Variants in DDI2 observed in about 807,000 individuals in gnomAD.
DDI2 encodes protein DDI1 homolog 2.
In DDI2, 5 loss-of-function variants were observed where a neutral mutation model predicts 48.1. The ratio of observed to expected loss-of-function variants is 0.10; its 90% CI spans 0.05 to 0.22. The LOEUF (loss-of-function observed/expected upper bound fraction) is 0.22, where lower values mean the gene tolerates loss of function less well. Ranked by LOEUF, DDI2 falls within the 10% of genes least tolerant of loss-of-function variation. The pLI is 1.00. For missense variants in DDI2, 285 were observed against 506.2 expected, an observed-to-expected ratio of 0.56 and a Z score of 4.19; for synonymous variants, 205 against 183.6, an observed-to-expected ratio of 1.12 and a Z score of -0.94.
chr1:15,639,764 T>G (rs1639978984), intron 5 of DDI2, among the ~76,000 whole-genome samples: 1 of 152,202 alleles, frequency 6.6e-6, no homozygotes, highest in African/African-American at 2.4e-5. Context: ...TCCAGCATTT[T>G]GGGAGGGTGA....
intron 1 of DDI2, among the ~76,000 whole-genome samples, chr1:15,621,770 T>C (rs1639671329): frequency 6.6e-6 from 1 of 152,196 alleles, no homozygotes. Context: ...TTGAGCATAA[T>C]ATTGGGGAAA....
At position 15,652,446 on chromosome 1, in the gene DDI2, CGG is replaced by C. The variant is rs1389836270; in HGVS notation, c.1183+552_1183+553del. Among the ~76,000 whole-genome samples the C allele has an allele frequency of 4.4e-4, 7 of 15,882 alleles. 1 individual carries two copies. Among genetic ancestry groups the C allele is most frequent in the African/African-American group, 7.7e-4 (4 of 5,166 alleles). The allele number at this position is 15,882 out of a possible 152,430, so 10.4% of individuals were successfully genotyped here. A position where few individuals can be genotyped will look rare whatever the true frequency, so the allele number is the denominator to read the frequency against. ...TTAATCCCAGCACTTTGGGAGGCTCCGGAGGGGGGGGGGGGGGGGCGGATCAC... is the reference window on the plus strand; with the variant it reads ...TTAATCCCAGCACTTTGGGAGGCTCCAGGGGGGGGGGGGGGGGCGGATCAC... On this transcript the variant is annotated intron_variant, in intron 8 of 9. Transcript: ENST00000480945.
intron 8 of DDI2, 86 bp from the exon 9 acceptor site, chr1:15,656,531 G>A (rs939037980): frequency 6.2e-7 from 1 of 1,610,114 alleles, no homozygotes; most frequent in South Asian, 1.1e-5. Flanking sequence ...TTTAAAGATG[G>A]CAAAAGAACG....
At chr1:15,634,010 A>C (rs1639887813) in intron 4 of DDI2, 1 of 299,874 alleles carries the variant, frequency 3.3e-6, no homozygotes, top group Admixed American at 4.5e-5. Context: ...CGCCGATGGA[A>C]CGTTGGTAGT....
intron 8 of DDI2, among the ~76,000 whole-genome samples, chr1:15,655,453 C>T (rs10927820): frequency 7.5e-6 from 1 of 133,518 alleles, no homozygotes. Context: ...ACACTTGTTT[C>T]TAAAAAAAAA....
At chr1:15,638,242 C>G (rs1181539688) in intron 4 of DDI2, 65 bp from the exon 5 acceptor site, 1 of 1,603,694 alleles carries the variant, frequency 6.2e-7, no homozygotes, top group Non-Finnish European at 8.5e-7. Context: ...AATATTGTGA[C>G]TTTGAAACTG....
intron 8 of DDI2, among the ~76,000 whole-genome samples, chr1:15,652,446 C>CGAG (rs1436812543): frequency 6.3e-5 from 1 of 15,920 alleles, no homozygotes; most frequent in African/African-American, 1.9e-4. Flanking sequence ...TGGGAGGCTC[C>CGAG]GGAGGGGGGG....
chr1:15,638,816 C>T (rs1639964743), intron 5 of DDI2, among the ~76,000 whole-genome samples: 1 of 152,118 alleles, frequency 6.6e-6, no homozygotes, highest in Non-Finnish European at 1.5e-5. Flanking sequence ...CTTTAGGCTG[C>T]TAACTCACTA....
chr1:15,653,149 ATGTTTT>A (rs1640218600), intron 8 of DDI2, among the ~76,000 whole-genome samples: 1 of 152,060 alleles, frequency 6.6e-6, no homozygotes, highest in African/African-American at 2.4e-5. Flanking sequence ...TTTTTTTTGG[ATGTTTT>A]TGTTTTTGTG....
chr1:15,632,304 C>T (rs942517210), intron 3 of DDI2, among the ~76,000 whole-genome samples: 9 of 151,812 alleles, frequency 5.9e-5, no homozygotes, highest in Non-Finnish European at 1.0e-4. Context: ...AGGCCGGGCA[C>T]GGTGGATCAC....
intron 3 of DDI2, among the ~76,000 whole-genome samples, chr1:15,631,782 A>C (rs1297728490): frequency 6.6e-6 from 1 of 151,350 alleles, no homozygotes; most frequent in Non-Finnish European, 1.5e-5. Flanking sequence ...GGAATAATAG[A>C]GTGTCTGCTC....
At chr1:15,643,780 G>T in intron 6 of DDI2, 130 bp downstream of exon 6, 1 of 1,313,884 alleles carries the variant, frequency 7.6e-7, no homozygotes, top group Non-Finnish European at 1.0e-6. Flanking sequence ...TTTTGTGTGG[G>T]TATGTCTGAG....
chr1:15,652,095 T>C (rs1198310896), intron 8 of DDI2, among the ~76,000 whole-genome samples, 200 bp downstream of exon 8: 1 of 140,888 alleles, frequency 7.1e-6, no homozygotes, highest in African/African-American at 2.6e-5. Context: ...AGACATTGTC[T>C]CACTCTGTCA....
chr1:15,643,647 C>T lies in DDI2; in HGVS notation c.886C>T (p.Leu296=). 6.2e-7 allele frequency: 1 copy of T among 1,614,034 alleles called. No individual in the cohort carries two copies. The highest frequency in any genetic ancestry group is 8.5e-7 in the Non-Finnish European group (1 of 1,179,982). Residue 296 remains leucine, a synonymous_variant, in exon 6 of 10, where the codon CTA becomes TTA. Transcript: ENST00000480945. ...CCAGAAGATTATTGGAAGGGTACAT[C>T]TAGGTGAGCAAAAGGCACTGGGGCT... ...GTQKIIGRVH[L]AQVQIEGDFL... is the part of the protein sequence containing the mutation.
intron 4 of DDI2, among the ~76,000 whole-genome samples, chr1:15,636,946 AT>A (rs1272124179): frequency 6.6e-6 from 1 of 152,226 alleles, no homozygotes; most frequent in Non-Finnish European, 1.5e-5. Context: ...GCAGGCTATG[AT>A]TTACCAACCC....
chr1:15,661,940 C>A lies in DDI2; in HGVS notation c.*2150C>A. The A allele has an allele frequency of 1.6e-6, 1 of 610,634 alleles. No individual in the cohort carries two copies. Among genetic ancestry groups the A allele is most frequent in the Non-Finnish European group, 2.5e-6 (1 of 398,070 alleles). The allele number at this position is 610,634 out of a possible 1,614,324, so 37.8% of individuals were successfully genotyped here. ...TCTATCCTACTTGTTAAAATTTAGG[C>A]CTTTTTAAATGTATTGGCAGTATGT... On this transcript the variant is annotated 3_prime_UTR_variant, in exon 10 of 10. Coordinates refer to ENST00000480945, the MANE Select transcript of DDI2 (RefSeq NM_032341.5).
At chr1:15,644,270 C>A (rs530075887) in intron 6 of DDI2, among the ~76,000 whole-genome samples, 1 of 152,174 alleles carries the variant, frequency 6.6e-6, no homozygotes, top group Non-Finnish European at 1.5e-5. Flanking sequence ...CCTACAGATT[C>A]CTTTCTCTTC....
intron 1 of DDI2, among the ~76,000 whole-genome samples, chr1:15,626,025 CT>C (rs1469571301): frequency 1.8e-4 from 28 of 152,320 alleles, no homozygotes; most frequent in Middle Eastern, 6.8e-3. Flanking sequence ...AAAGTGCACA[CT>C]TTATTTAATA....
intron 6 of DDI2, among the ~76,000 whole-genome samples, chr1:15,646,742 T>C: frequency 6.6e-6 from 1 of 152,114 alleles, no homozygotes; most frequent in East Asian, 1.9e-4. Flanking sequence ...TTTTTTGCAA[T>C]GTTTTAGGAG....
Sources: allele counts gnomAD v4.1 joint callset (sites outside exome capture counted in the v4.1 genomes callset), GRCh38; gene constraint gnomAD v4.1.1; transcripts MANE v1.5; gene names NCBI Gene and HGNC (gene_info 2026-07-23, HGNC 2026-07-21).